Variants in CPSF4 observed in about 807,000 individuals in gnomAD.
CPSF4 encodes the protein cleavage and polyadenylation specific factor 4, also known as cleavage and polyadenylation specificity factor subunit 4.
A neutral mutation model predicts 37.7 loss-of-function variants in CPSF4; 11 were observed. The observed-to-expected ratio is 0.29, with a 90% confidence interval of 0.18 to 0.48. The LOEUF is 0.48. Ranked by LOEUF, CPSF4 falls within the 20% of genes least tolerant of loss-of-function variation. CPSF4 has a pLI of 0.99. For synonymous variants in CPSF4, 132 were observed against 135.9 expected (o/e 0.97, Z 0.20); for missense variants, 144 against 359.5 (o/e 0.40, Z 4.85).
chr7:99,451,020 G>A (rs961604563), intron 5 of CPSF4: 7 of 508,326 alleles, frequency 1.4e-5, no homozygotes, highest in Non-Finnish European at 2.5e-5. Context: ...CTTGGGTCAT[G>A]GGCCATCTGG....
At chr7:99,450,899 C>G in intron 5 of CPSF4, 104 bp downstream of exon 5, 1 of 800,260 alleles carries the variant, frequency 1.2e-6, no homozygotes, top group Admixed American at 2.0e-5. Context: ...TGGGTGATGT[C>G]AGTACCAGGG....
intron 5 of CPSF4, among the ~76,000 whole-genome samples, chr7:99,451,322 C>T (rs1797918406): frequency 6.6e-6 from 1 of 152,186 alleles, no homozygotes; most frequent in South Asian, 2.1e-4. Context: ...AAAGGCAAGT[C>T]TGGGCTGGGT....
chr7:99,450,917 T>TAC, intron 5 of CPSF4, 122 bp downstream of exon 5: 1 of 692,152 alleles, frequency 1.4e-6, no homozygotes, highest in African/African-American at 1.8e-5. Flanking sequence ...GGGCCAAGGG[T>TAC]GGGGGCAGGA....
intron 5 of CPSF4, among the ~76,000 whole-genome samples, chr7:99,451,272 C>A (rs572390760): frequency 6.6e-6 from 1 of 152,308 alleles, no homozygotes; most frequent in African/African-American, 2.4e-5. Flanking sequence ...GGCTCAGTCC[C>A]TGGCCAAGGG....
chr7:99,456,377 T>A, intron 7 of CPSF4, 55 bp from the exon 8 acceptor site: 1 of 1,543,778 alleles, frequency 6.5e-7, no homozygotes, highest in Non-Finnish European at 9.0e-7. Context: ...GAAAACTGCA[T>A]TTGAACAGTG....
rs1295759080 is a variant in CPSF4 at position 99,444,778 on chromosome 7, C to T, written c.104-11C>T. On this transcript the variant is annotated splice_polypyrimidine_tract_variant and intron_variant, in intron 1 of 7. Transcript: ENST00000292476. ...CTCTTTGATTCCTCTCCTTTTCTCT[C>T]CTTTCTACAGAGTCGGGCGCTGCTG... 1 of 1,613,024 alleles carries T rather than the reference C, an allele frequency of 6.2e-7. No homozygotes were observed. Among genetic ancestry groups the T allele is most frequent in the Non-Finnish European group, 8.5e-7 (1 of 1,179,270 alleles).
At chr7:99,450,467 C>G (rs1005333580) in intron 4 of CPSF4, 96 bp downstream of exon 4, 1 of 859,218 alleles carries the variant, frequency 1.2e-6, no homozygotes, top group African/African-American at 1.7e-5. Flanking sequence ...CCTGTCCCAG[C>G]AAAACCTGAC....
At position 99,443,091 on chromosome 7, in the gene CPSF4, G is replaced by A. The variant is rs878930064; in HGVS notation, c.104-1698G>A. On this transcript the variant is annotated intron_variant, in intron 1 of 7. Transcript: ENST00000292476. ...CGGCTTATCCAAGTTAACCATAGGTGTGTTCAGATGACAGACTTTTGTTGG... is the reference window on the plus strand; with the variant it reads ...CGGCTTATCCAAGTTAACCATAGGTATGTTCAGATGACAGACTTTTGTTGG... 5.5e-6 allele frequency: 5 copies of A among 902,514 alleles called. No individual in the cohort carries two copies. The African/African-American group carries it at 8.1e-5, about 15-fold the overall frequency. The allele number at this position is 902,514 out of a possible 1,614,324, so 55.9% of individuals were successfully genotyped here.
At chr7:99,451,798 C>T (rs1328834601) in intron 5 of CPSF4, among the ~76,000 whole-genome samples, 1 of 152,206 alleles carries the variant, frequency 6.6e-6, no homozygotes. Context: ...GCCTCCCTTC[C>T]TCCCGGCTGC....
chr7:99,439,878 C>T (rs370712781), intron 1 of CPSF4, among the ~76,000 whole-genome samples: 2 of 152,116 alleles, frequency 1.3e-5, no homozygotes, highest in Non-Finnish European at 2.9e-5. Context: ...TTTGGCCCGT[C>T]CCTACTTTTT....
In CPSF4 at chr7:99,448,070, C is replaced by T. The variant is rs374592184; in HGVS notation, c.155-51C>T. On this transcript the variant is annotated intron_variant, in intron 2 of 7. Transcript: ENST00000292476. This position sits in a 1 kb window ranked among gnomAD's most constrained non-coding sequence, Gnocchi z 4.4. Reference sequence around the variant, plus strand: ...CTCAGCTTCTTCAGGCCGTGTCCCCCAGGCTCAGGGTGGCCTCTCTGCTGA... The same window carrying T: ...CTCAGCTTCTTCAGGCCGTGTCCCCTAGGCTCAGGGTGGCCTCTCTGCTGA... 15 of 1,596,096 alleles carry T rather than the reference C, an allele frequency of 9.4e-6. No homozygotes were observed. In the African/African-American group the frequency reaches 1.6e-4, roughly 17 times the overall value.
chr7:99,440,809 C>T (rs1796910562), intron 1 of CPSF4, among the ~76,000 whole-genome samples: 1 of 150,512 alleles, frequency 6.6e-6, no homozygotes, highest in Non-Finnish European at 1.5e-5. Context: ...CATCAGACCA[C>T]CCTATTTGAC....
chr7:99,444,915 C>T (rs765093215), intron 2 of CPSF4, 76 bp downstream of exon 2: 46 of 1,276,514 alleles, frequency 3.6e-5, no homozygotes, highest in South Asian at 6.0e-5. Context: ...ACTTGGAGGC[C>T]GCCAGGTCTC....
chr7:99,442,881 C>G (rs748406462), intron 1 of CPSF4: 3 of 1,175,748 alleles, frequency 2.6e-6, no homozygotes, highest in Non-Finnish European at 3.8e-6. Flanking sequence ...AAGAACCTTT[C>G]ATCAGGCAAT....
intron 5 of CPSF4, 37 bp downstream of exon 5, chr7:99,450,832 C>A (rs757048228): frequency 3.0e-5 from 44 of 1,490,428 alleles, no homozygotes; most frequent in Non-Finnish European, 3.9e-5. Context: ...ACCCCAGCTC[C>A]CGGCCCAGGC....
rs576966048 is a variant in CPSF4, at chr7:99,453,994, C to T, written c.599C>T (p.Ser200Leu). 26 of 1,613,974 alleles carry T rather than the reference C, an allele frequency of 1.6e-5. No homozygotes were observed. The highest frequency in any genetic ancestry group is 2.2e-5 in the East Asian group (1 of 44,894). The change falls in exon 7 of 8, where the codon TCG becomes TTG. Residue 200 changes from serine (S) to leucine (L), a missense_variant. Ser to Leu is a moderately radical substitution (Grantham distance 145). This residue lies in a region of CPSF4 where 86 missense variants were observed against 141.5 expected (regional missense o/e 0.61). Coordinates refer to ENST00000292476, the MANE Select transcript of CPSF4 (RefSeq NM_006693.4). The surrounding 1 kb of genome is among the most constrained non-coding windows in gnomAD (Gnocchi z 4.7). ...AGTAACAATCCGCCATTACAAAGGT[C>T]GTCCTCCTTGATCCAGTTAACGAGT... ...KQSNNPPLQR[S>L]SSLIQLTSQN...
chr7:99,443,348 T>TAG, intron 1 of CPSF4: 2 of 1,080,858 alleles, frequency 1.9e-6, no homozygotes. Flanking sequence ...CATCTTCATT[T>TAG]GCCTCCTCTT....
chr7:99,454,837 C>T (rs1798194078), intron 7 of CPSF4, among the ~76,000 whole-genome samples: 1 of 152,182 alleles, frequency 6.6e-6, no homozygotes, highest in African/African-American at 2.4e-5. Context: ...AGTATGTTCT[C>T]AACCCAAGGC....
At chr7:99,446,548 G>C (rs1584496976) in intron 2 of CPSF4, among the ~76,000 whole-genome samples, 1 of 151,790 alleles carries the variant, frequency 6.6e-6, no homozygotes, top group Admixed American at 6.6e-5. Context: ...TCCCAGAAGG[G>C]ACACGTCCCT....
Sources: gnomAD v4.1 joint callset for allele counts (sites outside exome capture counted in the v4.1 genomes callset) on GRCh38, gnomAD v4.1.1 for gene constraint, gnomAD v4.1.1 regional missense constraint, Gnocchi (gnomAD v3.1) non-coding constraint, MANE v1.5 for transcripts, NCBI Gene and HGNC (gene_info 2026-07-23, HGNC 2026-07-21) for gene names.